Variants in IQUB observed in about 807,000 individuals in gnomAD.
IQUB encodes IQ motif and ubiquitin-like domain-containing protein.
A neutral mutation model predicts 86.4 loss-of-function variants in IQUB; 86 were observed. The observed-to-expected ratio is 1.00, with a 90% CI of 0.84 to 1.19. IQUB has a LOEUF of 1.19. Among genes scored for constraint, IQUB ranks in the 50% most tolerant of loss-of-function variants. The pLI is 0.00. For missense variants in IQUB, 946 were observed against 916.9 expected, an observed-to-expected ratio of 1.03 and a Z score of -0.41; for synonymous variants, 289 against 304.5, an observed-to-expected ratio of 0.95 and a Z score of 0.53.
At chr7:123,506,861 A>G (rs1796201454) in intron 3 of IQUB, among the ~76,000 whole-genome samples, 1 of 152,182 alleles carries the variant, frequency 6.6e-6, no homozygotes, top group African/African-American at 2.4e-5. Context: ...TTGTGCTAGA[A>G]AAAGTATACA....
intron 1 of IQUB, among the ~76,000 whole-genome samples, chr7:123,520,748 T>C (rs1351016198): frequency 6.6e-6 from 1 of 152,074 alleles, no homozygotes; most frequent in Admixed American, 6.6e-5. Flanking sequence ...CTGGAATCTA[T>C]TGTAGTAACC....
chr7:123,469,397 AT>A lies in IQUB; in HGVS notation c.1411-14del. On this transcript the variant is annotated splice_polypyrimidine_tract_variant and intron_variant, in intron 8 of 12. Coordinates refer to ENST00000324698, the MANE Select transcript of IQUB (RefSeq NM_178827.5). The stretch of plus-strand genomic sequence containing the variant: ...TTGGAGCTGAACACTTAAAAATAAT[AT>A]TATGTTTATAATTATCAGTTAATTA... 1 of 1,482,990 alleles carries A rather than the reference AT, an allele frequency of 6.7e-7. No homozygotes were observed. The highest frequency in any genetic ancestry group is 9.1e-7 in the Non-Finnish European group (1 of 1,098,096). 91.9% of individuals were successfully genotyped at this position (1,482,990 alleles called of 1,614,324 possible).
At chr7:123,521,639 C>T (rs1005937386) in intron 1 of IQUB, among the ~76,000 whole-genome samples, 3 of 112,740 alleles carry the variant, frequency 2.7e-5, no homozygotes, top group Non-Finnish European at 3.7e-5. Context: ...GGAGTGAGAC[C>T]CTGTCTAAAT....
intron 6 of IQUB, among the ~76,000 whole-genome samples, chr7:123,499,365 C>T (rs1277478153): frequency 6.6e-6 from 1 of 152,188 alleles, no homozygotes; most frequent in Non-Finnish European, 1.5e-5. Flanking sequence ...CCACTTCAGC[C>T]TCCCAAAGTA....
chr7:123,456,523 T>C (rs1793704083), intron 12 of IQUB: 1 of 152,060 alleles, frequency 6.6e-6, no homozygotes, highest in Admixed American at 6.6e-5. Flanking sequence ...TAGTTTCTTA[T>C]CTTTATATTC....
chr7:123,509,425 C>T (rs1796321743), intron 3 of IQUB, among the ~76,000 whole-genome samples: 1 of 152,098 alleles, frequency 6.6e-6, no homozygotes, highest in African/African-American at 2.4e-5. Context: ...AATCTCATCT[C>T]CTCCCGCTAC....
chr7:123,516,660 T>C (rs1325774833), intron 1 of IQUB, among the ~76,000 whole-genome samples: 1 of 140,734 alleles, frequency 7.1e-6, no homozygotes, highest in Non-Finnish European at 1.6e-5. Flanking sequence ...AGAAAACTAG[T>C]TATCTGATGG....
intron 10 of IQUB, among the ~76,000 whole-genome samples, chr7:123,463,720 T>C (rs1049000896): frequency 6.6e-6 from 1 of 151,778 alleles, no homozygotes; most frequent in African/African-American, 2.4e-5. Context: ...ACTGGTTACA[T>C]GACTCTATAC....
intron 7 of IQUB, among the ~76,000 whole-genome samples, chr7:123,480,484 ATCATATCAGAG>A (rs1195019006): frequency 1.3e-5 from 2 of 152,232 alleles, no homozygotes; most frequent in African/African-American, 4.8e-5. Context: ...TTTGTAGTCA[ATCATATCAGAG>A]TCAATTGTTG....
intron 5 of IQUB, 39 bp from the exon 6 acceptor site, chr7:123,502,791 A>C: frequency 6.8e-7 from 1 of 1,463,878 alleles, no homozygotes; most frequent in South Asian, 1.3e-5. Flanking sequence ...AGTATCCCCT[A>C]TATATATACA....
At chr7:123,526,363 T>C (rs976781168) in intron 1 of IQUB, among the ~76,000 whole-genome samples, 3 of 152,074 alleles carry the variant, frequency 2.0e-5, no homozygotes, top group Non-Finnish European at 4.4e-5. Flanking sequence ...CACTCAGGAC[T>C]TGCTTTATGA....
intron 1 of IQUB, among the ~76,000 whole-genome samples, chr7:123,524,725 T>C (rs1797100725): frequency 6.7e-6 from 1 of 149,480 alleles, no homozygotes; most frequent in Non-Finnish European, 1.5e-5. Context: ...TGGCCAGAAC[T>C]TCCAACACTA....
At chr7:123,454,267 G>GT (rs1198480590) in intron 12 of IQUB, among the ~76,000 whole-genome samples, 1 of 151,906 alleles carries the variant, frequency 6.6e-6, no homozygotes, top group Non-Finnish European at 1.5e-5. Context: ...AACTTTATAG[G>GT]TTTTCAAGGT....
At chr7:123,486,160 C>T (rs1043205381) in intron 7 of IQUB, among the ~76,000 whole-genome samples, 65 of 152,264 alleles carry the variant, frequency 4.3e-4, no homozygotes, top group African/African-American at 1.5e-3. Context: ...ATAAATCACT[C>T]TGGCCACAGT....
At chr7:123,460,972 GT>G (rs80160200) in intron 11 of IQUB, among the ~76,000 whole-genome samples, 284 of 136,254 alleles carry the variant, frequency 2.1e-3, no homozygotes, top group Admixed American at 2.2e-3. Flanking sequence ...TTTCCCTAAG[GT>G]TTTTTTTTTT....
Position 123,469,378 on chromosome 7 carries a change from C to G in IQUB, c.1417G>C (p.Ala473Pro), listed in dbSNP as rs1004422790. The G allele has an allele frequency of 8.4e-6, 13 of 1,555,564 alleles. No homozygotes were observed. Among genetic ancestry groups the G allele is most frequent in the Non-Finnish European group, 1.1e-5 (13 of 1,148,652 alleles). The change falls in exon 9 of 13, where the codon GCT becomes CCT. Residue 473 changes from alanine (A) to proline (P), a missense_variant. By Grantham distance (27) the Ala-to-Pro change is conservative (BLOSUM62 -1). Transcript: ENST00000324698. ...TTAGGGGTTCTCCATATTTTTGGAGCTGAACACTTAAAAATAATATTATGT... is the reference window on the plus strand; with the variant it reads ...TTAGGGGTTCTCCATATTTTTGGAGGTGAACACTTAAAAATAATATTATGT... Reference protein sequence around the residue: ...AIQAFLDKCSAPKIWRTPNGK... With the variant: ...AIQAFLDKCSPPKIWRTPNGK...
intron 1 of IQUB, among the ~76,000 whole-genome samples, chr7:123,520,946 A>G (rs1398310395): frequency 1.3e-5 from 2 of 152,220 alleles, no homozygotes; most frequent in African/African-American, 4.8e-5. Flanking sequence ...GGATAGAGCT[A>G]CATTTACAGA....
intron 1 of IQUB, among the ~76,000 whole-genome samples, chr7:123,512,834 A>G (rs1339648565): frequency 2.0e-5 from 3 of 152,052 alleles, no homozygotes; most frequent in Non-Finnish European, 4.4e-5. Context: ...GCTCCCCCCA[A>G]ATAAACCTAT....
chr7:123,482,719 T>TA (rs1424216297), intron 7 of IQUB, among the ~76,000 whole-genome samples: 1 of 152,082 alleles, frequency 6.6e-6, no homozygotes, highest in Non-Finnish European at 1.5e-5. Context: ...GAGGGATTTA[T>TA]AAAAAACTGT....
Sources: gnomAD v4.1 joint callset for allele counts (sites outside exome capture counted in the v4.1 genomes callset) on GRCh38, gnomAD v4.1.1 for gene constraint, MANE v1.5 for transcripts, NCBI Gene and HGNC (gene_info 2026-07-23, HGNC 2026-07-21) for gene names.